SHANK2: variants seen among roughly 807,000 people sequenced by gnomAD.
SHANK2 encodes SH3 and multiple ankyrin repeat domains protein 2.
Under a neutral mutation model 133.7 loss-of-function variants are expected in SHANK2, and 43 were observed. That is an observed-to-expected ratio of 0.32 (90% CI 0.25 to 0.41). The LOEUF (loss-of-function observed/expected upper bound fraction) is 0.41. Among genes scored for constraint, SHANK2 ranks in the 10% least tolerant of loss-of-function variants. The pLI, the probability that SHANK2 is intolerant of heterozygous loss-of-function variation, is 1.00. For missense variants in SHANK2, 1,994 were observed against 2,235.8 expected, an observed-to-expected ratio of 0.89 and a Z score of 2.18; for synonymous variants, 1,017 against 952.8, an observed-to-expected ratio of 1.07 and a Z score of -1.24.
At chr11:70,605,277 A>G (rs1243294877) in intron 17 of SHANK2, among the ~76,000 whole-genome samples, 2 of 152,320 alleles carry the variant, frequency 1.3e-5, no homozygotes, top group Non-Finnish European at 1.5e-5. Flanking sequence ...CGGGGGTGGG[A>G]ACACCCAGAG....
chr11:70,592,548 C>T (rs536720337), intron 17 of SHANK2, among the ~76,000 whole-genome samples: 6 of 152,092 alleles, frequency 3.9e-5, no homozygotes, highest in African/African-American at 1.2e-4. Flanking sequence ...TGCGGCATCT[C>T]GGTGGCCCCC....
chr11:70,812,876 C>T (rs551973514), intron 12 of SHANK2, among the ~76,000 whole-genome samples: 8 of 152,180 alleles, frequency 5.3e-5, no homozygotes, highest in African/African-American at 1.4e-4. Flanking sequence ...AGGGCCAAAT[C>T]ACTGAATTCT....
chr11:70,759,029 T>C (rs1946931868), intron 14 of SHANK2, among the ~76,000 whole-genome samples: 1 of 151,488 alleles, frequency 6.6e-6, no homozygotes, highest in Non-Finnish European at 1.5e-5. Flanking sequence ...CGTGGTGGTG[T>C]GTGCCTGTAG....
chr11:71,108,449 G>C (rs1951834676), intron 6 of SHANK2, among the ~76,000 whole-genome samples: 1 of 152,012 alleles, frequency 6.6e-6, no homozygotes, highest in Non-Finnish European at 1.5e-5. Flanking sequence ...CCCTCCAGAT[G>C]CCCTACTACC....
intron 11 of SHANK2, among the ~76,000 whole-genome samples, chr11:70,829,269 C>T (rs2135391341): frequency 6.6e-6 from 1 of 152,310 alleles, no homozygotes; most frequent in Middle Eastern, 3.4e-3. Context: ...AACCCAGAAC[C>T]TCTGGACGGG....
At chr11:71,192,584 A>C (rs1369762061) in intron 2 of SHANK2, among the ~76,000 whole-genome samples, 3 of 152,182 alleles carry the variant, frequency 2.0e-5, no homozygotes, top group African/African-American at 7.2e-5. Context: ...AGATATTTTA[A>C]ATGAAAAGAA....
chr11:70,681,559 C>A (rs1197327986), intron 15 of SHANK2, among the ~76,000 whole-genome samples: 1 of 152,172 alleles, frequency 6.6e-6, no homozygotes, highest in Non-Finnish European at 1.5e-5. Context: ...CTCAGCCACC[C>A]TGGACTGTAA....
intron 17 of SHANK2, among the ~76,000 whole-genome samples, chr11:70,613,760 C>CTTTTTTT (rs1443708855): frequency 9.8e-5 from 2 of 20,390 alleles, no homozygotes; most frequent in Non-Finnish European, 9.3e-5. Flanking sequence ...AAGAGGGGAA[C>CTTTTTTT]TTGTTTTTTT....
intron 10 of SHANK2, among the ~76,000 whole-genome samples, chr11:70,925,631 C>T (rs1226306037): frequency 6.6e-6 from 1 of 152,076 alleles, no homozygotes; most frequent in African/African-American, 2.4e-5. Context: ...GTAGGAGCAC[C>T]CTAGTGGGAA....
At chr11:70,595,335 T>C (rs1360189813) in intron 17 of SHANK2, among the ~76,000 whole-genome samples, 2 of 152,238 alleles carry the variant, frequency 1.3e-5, no homozygotes, top group African/African-American at 4.8e-5. Context: ...CCGAGGCCGC[T>C]GCGTTTGTTA....
At chr11:70,714,904 C>T (rs540003544) in intron 14 of SHANK2, among the ~76,000 whole-genome samples, 1 of 152,062 alleles carries the variant, frequency 6.6e-6, no homozygotes, top group African/African-American at 2.4e-5. Context: ...CTTCTGGGCT[C>T]AAGCAATCCT....
At chr11:70,885,527 A>C (rs1162637546) in intron 11 of SHANK2, among the ~76,000 whole-genome samples, 1 of 152,218 alleles carries the variant, frequency 6.6e-6, no homozygotes, top group African/African-American at 2.4e-5. Context: ...ATTTGGCTGA[A>C]GAGGGGACAG....
chr11:71,124,186 T>A (rs1422153926), intron 3 of SHANK2, among the ~76,000 whole-genome samples: 3 of 9,208 alleles, frequency 3.3e-4, no homozygotes, highest in Non-Finnish European at 4.5e-4. Context: ...ATGGTGATGA[T>A]GGTGATGGTG....
intron 14 of SHANK2, among the ~76,000 whole-genome samples, chr11:70,769,201 C>G (rs1947191160): frequency 6.6e-6 from 1 of 152,178 alleles, no homozygotes; most frequent in African/African-American, 2.4e-5. Context: ...GTTCCGGTCT[C>G]CTTCAGCGGA....
At chr11:71,058,783 T>C (rs1950952086) in intron 9 of SHANK2, among the ~76,000 whole-genome samples, 1 of 152,252 alleles carries the variant, frequency 6.6e-6, no homozygotes, top group Non-Finnish European at 1.5e-5. Flanking sequence ...GTGGATTAAA[T>C]GACCAGGGCT....
chr11:71,101,144 G>C (rs782094809), intron 6 of SHANK2, among the ~76,000 whole-genome samples: 3 of 152,172 alleles, frequency 2.0e-5, no homozygotes, highest in Non-Finnish European at 2.9e-5. Flanking sequence ...AGCTGGAAGT[G>C]AAAGTGCATA....
chr11:71,065,846 T>C (rs1951048128), intron 9 of SHANK2, among the ~76,000 whole-genome samples: 1 of 96,106 alleles, frequency 1.0e-5, no homozygotes, highest in Admixed American at 1.4e-4. Flanking sequence ...CATACAGAAC[T>C]CTCCCAGGGA....
At chr11:71,085,782 TATATA>T (rs1217755963) in intron 8 of SHANK2, among the ~76,000 whole-genome samples, 4 of 73,780 alleles carry the variant, frequency 5.4e-5, no homozygotes, top group African/African-American at 1.7e-4. Flanking sequence ...ATATTTATAT[TATATA>T]ATATATGATA....
chr11:70,867,850 A>ACCGG (rs1352831134), intron 11 of SHANK2, among the ~76,000 whole-genome samples: 1 of 152,138 alleles, frequency 6.6e-6, no homozygotes, highest in Non-Finnish European at 1.5e-5. Flanking sequence ...CTGCTCCTGC[A>ACCGG]CCGGCCGGCC....
Sources: allele counts gnomAD v4.1 joint callset (sites outside exome capture counted in the v4.1 genomes callset), GRCh38; gene constraint gnomAD v4.1.1; transcripts MANE v1.5; gene names NCBI Gene and HGNC (gene_info 2026-07-23, HGNC 2026-07-21).